The following KCNH8 variants were observed in gnomAD, a reference collection of about 807,000 sequenced individuals.
KCNH8 encodes potassium voltage-gated channel subfamily H member 8.
Under a neutral mutation model 103.6 loss-of-function variants are expected in KCNH8, and 70 were observed. The observed-to-expected ratio is 0.68, with a 90% confidence interval of 0.56 to 0.82. The LOEUF (loss-of-function observed/expected upper bound fraction) is 0.82, where lower values mean the gene tolerates loss of function less well. Among genes scored for constraint, KCNH8 ranks in the 40% least tolerant of loss-of-function variants. The probability of loss-of-function intolerance (pLI) is 0.00; values close to 1 mark genes in which losing one functional copy is unlikely to be tolerated. For missense variants in KCNH8, 1,217 were observed against 1,329.9 expected (o/e 0.92, Z 1.32); for synonymous variants, 498 against 489.4 (o/e 1.02, Z -0.23).
intron 7 of KCNH8, among the ~76,000 whole-genome samples, chr3:19,432,881 C>G (rs991077441): frequency 4.6e-5 from 7 of 152,154 alleles, no homozygotes; most frequent in African/African-American, 1.7e-4. Context: ...TTTGGAAGTG[C>G]CCCAGTTAGC....
intron 1 of KCNH8, among the ~76,000 whole-genome samples, chr3:19,219,780 C>T (rs1258310031): frequency 6.6e-6 from 1 of 152,206 alleles, no homozygotes; most frequent in Non-Finnish European, 1.5e-5. Flanking sequence ...GAGGCCTCAT[C>T]TGACTTGGTC....
At chr3:19,463,217 C>G (rs1282456248) in intron 11 of KCNH8, among the ~76,000 whole-genome samples, 2 of 152,048 alleles carry the variant, frequency 1.3e-5, no homozygotes, top group South Asian at 2.1e-4. Flanking sequence ...TGGAACCAGT[C>G]TCTCAGATAC....
intron 1 of KCNH8, among the ~76,000 whole-genome samples, chr3:19,160,330 T>C (rs922096282): frequency 6.6e-6 from 1 of 151,872 alleles, no homozygotes; most frequent in Non-Finnish European, 1.5e-5. Flanking sequence ...CATTTATTCA[T>C]TTTTTTTGGT....
chr3:19,155,366 A>G (rs933290266), intron 1 of KCNH8, among the ~76,000 whole-genome samples: 6 of 152,128 alleles, frequency 3.9e-5, no homozygotes, highest in Non-Finnish European at 8.8e-5. Context: ...AATTCTGATC[A>G]TCTTTTTCTT....
intron 3 of KCNH8, among the ~76,000 whole-genome samples, chr3:19,323,374 G>A (rs377705283): frequency 1.5e-4 from 23 of 152,160 alleles, no homozygotes; most frequent in East Asian, 7.8e-4. Flanking sequence ...GTGTGAACCC[G>A]GGAGGCAGAG....
At chr3:19,471,390 G>A (rs1387725669) in intron 11 of KCNH8, among the ~76,000 whole-genome samples, 1 of 152,106 alleles carries the variant, frequency 6.6e-6, no homozygotes, top group Non-Finnish European at 1.5e-5. Context: ...AGCAAGGGTC[G>A]TCCATTCCAT....
At chr3:19,488,072 A>T (rs945436399) in intron 11 of KCNH8, among the ~76,000 whole-genome samples, 1 of 152,208 alleles carries the variant, frequency 6.6e-6, no homozygotes, top group African/African-American at 2.4e-5. Flanking sequence ...GCTTCAGCCC[A>T]GTCCCCTTCA....
intron 11 of KCNH8, among the ~76,000 whole-genome samples, chr3:19,471,211 T>C (rs2067849030): frequency 6.6e-6 from 1 of 152,202 alleles, no homozygotes; most frequent in Admixed American, 6.5e-5. Context: ...GAACAGCAGA[T>C]GTTCAGCCTT....
Position 19,505,953 on chromosome 3 carries a change from T to TGAGG in KCNH8, c.2041-4410_2041-4409insGAGG, listed in dbSNP as rs563767665. Among the ~76,000 whole-genome samples, 537 of 152,338 alleles carry TGAGG rather than the reference T, an allele frequency of 3.5e-3. 2 individuals carry two copies. Among genetic ancestry groups the TGAGG allele is most frequent in the African/African-American group, 0.012 (507 of 41,572 alleles). The stretch of plus-strand genomic sequence containing the variant: ...AGATTCTTTCCTCAGCTTGGTTTAT[T>TGAGG]CTGCTCTTAATAATTGAGGTTGCAT... On this transcript the variant is annotated intron_variant, in intron 11 of 15. Coordinates refer to ENST00000328405, the MANE Select transcript of KCNH8 (RefSeq NM_144633.3).
intron 2 of KCNH8, among the ~76,000 whole-genome samples, chr3:19,263,311 GT>G (rs903527033): frequency 3.3e-5 from 5 of 152,048 alleles, no homozygotes; most frequent in African/African-American, 9.7e-5. Flanking sequence ...AGTTTATCTA[GT>G]GTTCCAGTTA....
intron 8 of KCNH8, among the ~76,000 whole-genome samples, chr3:19,446,396 A>C (rs1162788112): frequency 6.6e-6 from 1 of 152,030 alleles, no homozygotes; most frequent in Non-Finnish European, 1.5e-5. Flanking sequence ...CACTGAATAC[A>C]CACACACTAC....
intron 5 of KCNH8, among the ~76,000 whole-genome samples, chr3:19,383,966 A>G (rs976897591): frequency 4.6e-5 from 7 of 152,154 alleles, no homozygotes; most frequent in East Asian, 3.9e-4. Flanking sequence ...AAATTTTTCC[A>G]AAGTTCAATA....
intron 3 of KCNH8, among the ~76,000 whole-genome samples, chr3:19,312,836 C>T (rs748365202): frequency 2.6e-5 from 4 of 151,856 alleles, no homozygotes; most frequent in Non-Finnish European, 5.9e-5. Context: ...CTTCCAGCAC[C>T]ACCATCTTGT....
Position 19,533,701 on chromosome 3 carries a change from C to A in KCNH8, c.2926C>A (p.His976Asn). Residue 976 changes from histidine to asparagine, a missense_variant, in exon 16 of 16, where the codon CAT (histidine) becomes AAT (asparagine). His to Asn is a moderately conservative substitution (Grantham distance 68, BLOSUM62 1). This residue lies in a region of KCNH8 where 558 missense variants were observed against 495.8 expected (regional missense o/e 1.13). Coordinates refer to ENST00000328405, the MANE Select transcript of KCNH8 (RefSeq NM_144633.3). ...GAGCAGCCCCCAACGAACTGGAGCT[C>A]ATGAGCAAAATCCTGCAGACAGTGA... Reference protein sequence around the residue: ...VGSSPQRTGAHEQNPADSELY... With the variant: ...VGSSPQRTGANEQNPADSELY... 1.2e-6 allele frequency: 2 copies of A among 1,614,200 alleles called. No homozygotes were observed. The highest frequency in any genetic ancestry group is 1.7e-6 in the Non-Finnish European group (2 of 1,180,018).
At chr3:19,470,932 C>G (rs978308094) in intron 11 of KCNH8, among the ~76,000 whole-genome samples, 2 of 152,176 alleles carry the variant, frequency 1.3e-5, no homozygotes, top group Non-Finnish European at 2.9e-5. Context: ...TTCATCTTTT[C>G]TGGGTTCTCT....
intron 1 of KCNH8, among the ~76,000 whole-genome samples, chr3:19,230,075 T>C (rs2063976856): frequency 6.6e-6 from 1 of 152,056 alleles, no homozygotes; most frequent in Non-Finnish European, 1.5e-5. Context: ...ATGAGGAAGT[T>C]GCAAAAGGGG....
intron 7 of KCNH8, among the ~76,000 whole-genome samples, chr3:19,404,728 G>C (rs978621836): frequency 1.3e-5 from 2 of 151,874 alleles, no homozygotes; most frequent in Non-Finnish European, 1.5e-5. Flanking sequence ...TGGGAGCAAT[G>C]TGATCTACTG....
At chr3:19,504,897 T>A (rs760702501) in intron 11 of KCNH8, among the ~76,000 whole-genome samples, 2 of 151,620 alleles carry the variant, frequency 1.3e-5, no homozygotes, top group African/African-American at 2.4e-5. Context: ...ACAGCACTAT[T>A]CACAATAGCA....
At chr3:19,491,748 C>T (rs1372986213) in intron 11 of KCNH8, among the ~76,000 whole-genome samples, 8 of 152,080 alleles carry the variant, frequency 5.3e-5, no homozygotes, top group Non-Finnish European at 8.8e-5. Flanking sequence ...TCGTTTTTTG[C>T]GAAATCTCCA....
Sources: allele counts gnomAD v4.1 joint callset (sites outside exome capture counted in the v4.1 genomes callset), GRCh38; gene constraint gnomAD v4.1.1; regional missense constraint gnomAD v4.1.1; transcripts MANE v1.5; gene names NCBI Gene and HGNC (gene_info 2026-07-23, HGNC 2026-07-21).